PPP2CA: variants seen among roughly 807,000 people sequenced by gnomAD.
PPP2CA encodes the protein protein phosphatase 2 catalytic subunit alpha, also known as serine/threonine-protein phosphatase 2A catalytic subunit alpha isoform.
PPP2CA carries 5 observed loss-of-function variants against 38.8 expected under a neutral mutation model. That is an observed-to-expected ratio of 0.13 (90% CI 0.07 to 0.27). The LOEUF is 0.27. Among genes scored for constraint, PPP2CA ranks in the 10% least tolerant of loss-of-function variants. PPP2CA has a pLI of 1.00. For missense variants in PPP2CA, 88 were observed against 389.7 expected, an observed-to-expected ratio of 0.23 and a Z score of 6.52; for synonymous variants, 152 against 134.0, an observed-to-expected ratio of 1.13 and a Z score of -0.93.
In PPP2CA at chr5:134,198,999, T is replaced by C. The variant is rs577275292; in HGVS notation, c.857+87A>G. ...AGGAGTTCGAGACAAGACTGGGCAA[T>C]ATAGTGACACCCTCTCTCTCAAAAT... On this transcript the variant is annotated intron_variant, in intron 6 of 6. Transcript: ENST00000481195. 99 of 1,063,408 alleles carry C rather than the reference T, an allele frequency of 9.3e-5. 2 individuals carry two copies. The Middle Eastern group carries it at 1.3e-3, about 14-fold the overall frequency. The allele number at this position is 1,063,408 out of a possible 1,614,324, so 65.9% of individuals were successfully genotyped here.
intron 1 of PPP2CA, among the ~76,000 whole-genome samples, chr5:134,223,653 G>C (rs1200205290): frequency 2.0e-5 from 3 of 152,152 alleles, no homozygotes; most frequent in Admixed American, 1.3e-4. Flanking sequence ...AGCAATATTA[G>C]ATGCATCAGC....
chr5:134,197,901 C>G, intron 6 of PPP2CA, 57 bp from the exon 7 acceptor site: 1 of 1,439,008 alleles, frequency 6.9e-7, no homozygotes. Flanking sequence ...TAGTGACAAT[C>G]AAGATCAAGA....
intron 1 of PPP2CA, among the ~76,000 whole-genome samples, chr5:134,225,175 GAAT>G (rs1257990538): frequency 1.3e-5 from 2 of 152,316 alleles, no homozygotes; most frequent in East Asian, 1.9e-4. Context: ...TAGGTTAAGA[GAAT>G]AATTTAAAAA....
At chr5:134,210,214 C>T (rs1762175587) in intron 1 of PPP2CA, among the ~76,000 whole-genome samples, 1 of 152,188 alleles carries the variant, frequency 6.6e-6, no homozygotes, top group African/African-American at 2.4e-5. Context: ...TATGGATCAC[C>T]TCCAGAGCCT....
chr5:134,225,891 C>T lies in PPP2CA; in HGVS notation c.-30G>A. ...CCACCCGCCCCAGCCGGCTGCCGCT[C>T]CGCGCTGCTCCCGCGCCGCCGCCCG... On this transcript the variant is annotated 5_prime_UTR_variant, in exon 1 of 7. Transcript: ENST00000481195. 1.3e-6 allele frequency: 2 copies of T among 1,595,736 alleles called. No individual in the cohort carries two copies. Among genetic ancestry groups the T allele is most frequent in the South Asian group, 1.1e-5 (1 of 90,636 alleles).
chr5:134,199,382 G>A, intron 5 of PPP2CA, 178 bp from the exon 6 acceptor site: 1 of 410,148 alleles, frequency 2.4e-6, no homozygotes, highest in Non-Finnish European at 4.3e-6. Flanking sequence ...CAACCTGTAA[G>A]GTACACATGT....
At chr5:134,220,470 A>AAAAAAAG in intron 1 of PPP2CA, among the ~76,000 whole-genome samples, 1 of 150,402 alleles carries the variant, frequency 6.6e-6, no homozygotes, top group South Asian at 2.1e-4. Flanking sequence ...AAAAAAAAAA[A>AAAAAAAG]AAAAAAAAGC....
At chr5:134,221,967 C>CAAAAAA (rs35713465) in intron 1 of PPP2CA, among the ~76,000 whole-genome samples, 1 of 78,118 alleles carries the variant, frequency 1.3e-5, no homozygotes, top group Admixed American at 1.2e-4. Context: ...GACCTTATCT[C>CAAAAAA]AAAAAAAAAA....
intron 2 of PPP2CA, among the ~76,000 whole-genome samples, chr5:134,204,027 C>T (rs1397224166): frequency 5.3e-5 from 8 of 152,294 alleles, no homozygotes; most frequent in South Asian, 4.1e-4. Flanking sequence ...TTGGAGTCAC[C>T]GCAGAAACCT....
At chr5:134,209,800 G>A (rs6864110) in intron 1 of PPP2CA, among the ~76,000 whole-genome samples, 117,310 of 151,670 alleles carry the variant, frequency 0.77, 45,811 homozygotes, top group Non-Finnish European at 0.82. Flanking sequence ...TCATTTTGGC[G>A]AGTGCAGCGG....
rs1209103804 is a variant in PPP2CA, at chr5:134,226,016, C to T, written c.-155G>A. 1 of 590,490 alleles carries T rather than the reference C, an allele frequency of 1.7e-6. No individual in the cohort carries two copies. The highest frequency in any genetic ancestry group is 2.8e-6 in the Non-Finnish European group (1 of 351,564). 36.6% of individuals were successfully genotyped at this position (590,490 alleles called of 1,614,324 possible). On this transcript the variant is annotated 5_prime_UTR_variant, in exon 1 of 7. Transcript: ENST00000481195. Reference sequence around the variant, plus strand: ...CGCTGGCTCTCACCGCAGTACTCGGCCGTCGGCCGCTGCGCCTCCTCCTCC... The same window carrying T: ...CGCTGGCTCTCACCGCAGTACTCGGTCGTCGGCCGCTGCGCCTCCTCCTCC...
At position 134,196,987 on chromosome 5, in the gene PPP2CA, T is replaced by C. The variant is rs1761866003; in HGVS notation, c.*785A>G. 6.6e-6 allele frequency: 1 copy of C among 152,638 alleles called. No homozygotes were observed. Among genetic ancestry groups the C allele is most frequent in the Non-Finnish European group, 1.5e-5 (1 of 68,026 alleles). 9.5% of individuals were successfully genotyped at this position (152,638 alleles called of 1,614,324 possible). On this transcript the variant is annotated 3_prime_UTR_variant, in exon 7 of 7. Transcript: ENST00000481195. ...GGTTATGTAGTGCCCTTGATTTTTATTTTACCTACAAGTCTACAAATTCTA... is the reference window on the plus strand; with the variant it reads ...GGTTATGTAGTGCCCTTGATTTTTACTTTACCTACAAGTCTACAAATTCTA...
chr5:134,203,170 G>T (rs1181158750), intron 2 of PPP2CA, among the ~76,000 whole-genome samples: 1 of 150,986 alleles, frequency 6.6e-6, no homozygotes, highest in South Asian at 2.1e-4. Flanking sequence ...TCTTAATTTT[G>T]ATAAAGTCCG....
chr5:134,213,132 G>A (rs1258781207), intron 1 of PPP2CA, among the ~76,000 whole-genome samples: 5 of 152,214 alleles, frequency 3.3e-5, no homozygotes, highest in African/African-American at 9.7e-5. Flanking sequence ...GGAAGAAGAT[G>A]CCACTTAGGA....
intron 2 of PPP2CA, among the ~76,000 whole-genome samples, chr5:134,203,010 C>G (rs1464990793): frequency 6.6e-6 from 1 of 152,164 alleles, no homozygotes; most frequent in Non-Finnish European, 1.5e-5. Flanking sequence ...ACTGACCACT[C>G]ATGTATCATC....
chr5:134,197,453 C>T lies in PPP2CA; in HGVS notation c.*319G>A, dbSNP rs1419981159. 7 of 281,720 alleles carry T rather than the reference C, an allele frequency of 2.5e-5. No homozygotes were observed. The highest frequency in any genetic ancestry group is 4.8e-5 in the Non-Finnish European group (7 of 146,720). The allele number at this position is 281,720 out of a possible 1,614,324, so 17.5% of individuals were successfully genotyped here. ...CTAAATGGAAGTTAAATTGTATTCA[C>T]GAGGTGTTAATGTTTACATCTTATT... is the stretch of plus-strand genomic sequence containing the variant. On this transcript the variant is annotated 3_prime_UTR_variant, in exon 7 of 7. Transcript: ENST00000481195.
At chr5:134,204,906 ATTC>A (rs1318533966) in intron 2 of PPP2CA, among the ~76,000 whole-genome samples, 6 of 151,270 alleles carry the variant, frequency 4.0e-5, no homozygotes, top group African/African-American at 1.5e-4. Flanking sequence ...TCTCAGAAAA[ATTC>A]TTTTTTTTCT....
intron 1 of PPP2CA, among the ~76,000 whole-genome samples, chr5:134,213,762 A>G (rs1266769473): frequency 1.3e-5 from 2 of 152,206 alleles, no homozygotes; most frequent in Non-Finnish European, 2.9e-5. Flanking sequence ...CAGCCTGGGC[A>G]ACAACACCAT....
intron 1 of PPP2CA, among the ~76,000 whole-genome samples, chr5:134,219,584 C>T (rs2149388231): frequency 6.6e-6 from 1 of 152,310 alleles, no homozygotes; most frequent in East Asian, 1.9e-4. Context: ...AGGGACTGGC[C>T]AACTGGTCAC....
Sources: gnomAD v4.1 joint callset for allele counts (sites outside exome capture counted in the v4.1 genomes callset) on GRCh38, gnomAD v4.1.1 for gene constraint, MANE v1.5 for transcripts, NCBI Gene and HGNC (gene_info 2026-07-23, HGNC 2026-07-21) for gene names.